STPG4: variants seen among roughly 807,000 people sequenced by gnomAD.
STPG4 encodes the protein protein STPG4.
Under a neutral mutation model 31.5 loss-of-function variants are expected in STPG4, and 41 were observed. That is an observed-to-expected ratio of 1.30 (90% CI 1.01 to 1.69). STPG4 has a LOEUF of 1.69. Ranked by LOEUF, STPG4 falls within the 40% of genes most tolerant of loss-of-function variation. The probability of loss-of-function intolerance (pLI) is 0.00; values close to 1 mark genes in which losing one functional copy is unlikely to be tolerated. For synonymous variants in STPG4, 141 were observed against 103.0 expected (o/e 1.37, Z -2.24); for missense variants, 375 against 293.4 (o/e 1.28, Z -2.03).
chr2:47,112,756 A>G (rs768147611), intron 5 of STPG4, among the ~76,000 whole-genome samples: 113 of 152,182 alleles, frequency 7.4e-4, no homozygotes, highest in Non-Finnish European at 1.5e-4. Context: ...AATGCAAAAC[A>G]CATTTCAGAA....
At chr2:47,100,993 G>C (rs956197973) in intron 5 of STPG4, among the ~76,000 whole-genome samples, 1 of 151,908 alleles carries the variant, frequency 6.6e-6, no homozygotes, top group African/African-American at 2.4e-5. Context: ...TGGCGACCCA[G>C]ATGGGACATT....
At chr2:47,140,348 C>G (rs563184669) in intron 3 of STPG4, among the ~76,000 whole-genome samples, 54 of 152,276 alleles carry the variant, frequency 3.5e-4, no homozygotes, top group Non-Finnish European at 6.3e-4. Context: ...CTGCCAGCAG[C>G]AGGGGCAGGA....
intron 5 of STPG4, among the ~76,000 whole-genome samples, chr2:47,101,043 G>T (rs1685788697): frequency 6.6e-6 from 1 of 151,882 alleles, no homozygotes; most frequent in Non-Finnish European, 1.5e-5. Flanking sequence ...CAAGCGGTGA[G>T]ACCATCGCCG....
At chr2:47,110,266 T>C (rs1686008708) in intron 5 of STPG4, among the ~76,000 whole-genome samples, 1 of 152,250 alleles carries the variant, frequency 6.6e-6, no homozygotes, top group African/African-American at 2.4e-5. Context: ...TGATGGCTCT[T>C]TTCCTCAAAC....
At chr2:47,127,863 T>C (rs1302036932) in intron 5 of STPG4, among the ~76,000 whole-genome samples, 1 of 152,100 alleles carries the variant, frequency 6.6e-6, no homozygotes, top group African/African-American at 2.4e-5. Context: ...ATTGGTGAGG[T>C]TGTGTTTTAC....
At chr2:47,091,164 G>A (rs568339763) in intron 5 of STPG4, among the ~76,000 whole-genome samples, 1 of 147,230 alleles carries the variant, frequency 6.8e-6, no homozygotes, top group African/African-American at 2.5e-5. Flanking sequence ...GAGGGAGGGA[G>A]GGAGGGAGGG....
chr2:47,099,702 G>A (rs865883204), intron 5 of STPG4, among the ~76,000 whole-genome samples: 3 of 152,244 alleles, frequency 2.0e-5, no homozygotes, highest in Admixed American at 6.5e-5. Context: ...GGCCAGAGCC[G>A]GCTCCCTCAG....
intron 5 of STPG4, chr2:47,108,536 T>G (rs1280833331): frequency 5.8e-6 from 1 of 172,212 alleles, no homozygotes; most frequent in East Asian, 1.7e-4. Flanking sequence ...GTCCACGGCT[T>G]CATTCTTGAA....
chr2:47,153,378 G>A (rs145799276), intron 1 of STPG4, among the ~76,000 whole-genome samples: 1 of 152,312 alleles, frequency 6.6e-6, no homozygotes, highest in Non-Finnish European at 1.5e-5. Flanking sequence ...TTACCAGCTA[G>A]GTGCACTGGG....
In STPG4 at chr2:47,094,102, T is replaced by C. The variant is rs142912584; in HGVS notation, c.520-3728A>G. ...CTCTCCTTTACTGGGGATCCTCAAGTGTGATCTAGACCTTGGGTCTCACAT... is the reference window on the plus strand; with the variant it reads ...CTCTCCTTTACTGGGGATCCTCAAGCGTGATCTAGACCTTGGGTCTCACAT... On this transcript the variant is annotated intron_variant, in intron 5 of 6. Coordinates refer to ENST00000445927, the MANE Select transcript of STPG4 (RefSeq NM_001163561.2). 1.4e-4 allele frequency among the ~76,000 whole-genome samples: 22 copies of C among 152,372 alleles called. No individual in the cohort carries two copies. In the East Asian group the frequency reaches 3.3e-3, roughly 23 times the overall value.
At chr2:47,116,230 G>T (rs1686150484) in intron 5 of STPG4, among the ~76,000 whole-genome samples, 1 of 152,182 alleles carries the variant, frequency 6.6e-6, no homozygotes, top group Admixed American at 6.5e-5. Flanking sequence ...TCAGAGGTGT[G>T]GACTTTAAGA....
chr2:47,110,633 T>C (rs1032279368), intron 5 of STPG4, among the ~76,000 whole-genome samples: 1 of 152,304 alleles, frequency 6.6e-6, no homozygotes, highest in Middle Eastern at 3.4e-3. Flanking sequence ...GTGAAACCAA[T>C]TGAAGAGAAA....
intron 5 of STPG4, among the ~76,000 whole-genome samples, chr2:47,099,875 G>T (rs1685754336): frequency 6.6e-6 from 1 of 152,202 alleles, no homozygotes; most frequent in Non-Finnish European, 1.5e-5. Context: ...TTAGCACCCA[G>T]GCCAGCAGCT....
At chr2:47,111,164 T>C (rs1422645593) in intron 5 of STPG4, among the ~76,000 whole-genome samples, 1 of 152,234 alleles carries the variant, frequency 6.6e-6, no homozygotes, top group African/African-American at 2.4e-5. Context: ...CCACCAGCAA[T>C]AGACAAGAAA....
At chr2:47,107,665 G>A (rs1035285275) in intron 5 of STPG4, among the ~76,000 whole-genome samples, 1 of 152,148 alleles carries the variant, frequency 6.6e-6, no homozygotes, top group Non-Finnish European at 1.5e-5. Flanking sequence ...AGGAGTGCGG[G>A]CACATGGTGC....
At chr2:47,114,943 T>C (rs1686116502) in intron 5 of STPG4, among the ~76,000 whole-genome samples, 1 of 152,034 alleles carries the variant, frequency 6.6e-6, no homozygotes, top group Non-Finnish European at 1.5e-5. Flanking sequence ...AATTTTGGCA[T>C]TTTTAGTAGA....
chr2:47,129,837 C>T (rs147899345), intron 5 of STPG4, 104 bp downstream of exon 5: 194 of 1,413,018 alleles, frequency 1.4e-4, no homozygotes, highest in African/African-American at 1.4e-3. Context: ...CTAGGGGGAA[C>T]GATCACTGGA....
chr2:47,140,998 C>T (rs1222518032), intron 3 of STPG4, among the ~76,000 whole-genome samples: 6 of 151,770 alleles, frequency 4.0e-5, no homozygotes, highest in East Asian at 3.9e-4. Context: ...GCGACTGTCC[C>T]GCCTTAGCCT....
rs774480802 is a variant in STPG4 at position 47,107,203 on chromosome 2, C to CCG, written c.520-16831_520-16830dup. Among the ~76,000 whole-genome samples, 4 of 152,106 alleles carry CCG rather than the reference C, an allele frequency of 2.6e-5. No homozygotes were observed. The East Asian group carries it at 7.7e-4, about 29-fold the overall frequency. ...GGCACTTAAGGAGCCCTTCAGCCCACCGCTGCACTGTGGGAGCCCCTTTCT... is the reference window on the plus strand; with the variant it reads ...GGCACTTAAGGAGCCCTTCAGCCCACCGCGCTGCACTGTGGGAGCCCCTTTCT... On this transcript the variant is annotated intron_variant, in intron 5 of 6. Transcript: ENST00000445927.
Sources: allele counts gnomAD v4.1 joint callset (sites outside exome capture counted in the v4.1 genomes callset), GRCh38; gene constraint gnomAD v4.1.1; transcripts MANE v1.5; gene names NCBI Gene and HGNC (gene_info 2026-07-23, HGNC 2026-07-21).